Variants in CALN1 observed in about 807,000 individuals in gnomAD.
The protein encoded by CALN1 is calcium-binding protein 8.
In CALN1, 17 loss-of-function variants were observed where a neutral mutation model predicts 30.6. That is an observed-to-expected ratio of 0.56 (90% CI 0.38 to 0.83). The LOEUF (loss-of-function observed/expected upper bound fraction) is 0.83. Ranked by LOEUF, CALN1 falls within the 40% of genes least tolerant of loss-of-function variation. The pLI, the probability that CALN1 is intolerant of heterozygous loss-of-function variation, is 0.00. For synonymous variants in CALN1, 156 were observed against 131.4 expected (o/e 1.19, Z -1.28); for missense variants, 291 against 354.9 (o/e 0.82, Z 1.45).
At chr7:72,095,425 T>G (rs551825488) in intron 4 of CALN1, among the ~76,000 whole-genome samples, 1 of 152,320 alleles carries the variant, frequency 6.6e-6, no homozygotes, top group African/African-American at 2.4e-5. Context: ...AAGCCATAAT[T>G]CACTAACACA....
At chr7:71,933,823 G>C (rs951592354) in intron 5 of CALN1, among the ~76,000 whole-genome samples, 3 of 152,112 alleles carry the variant, frequency 2.0e-5, no homozygotes, top group Non-Finnish European at 4.4e-5. Flanking sequence ...TGCTGTGCTA[G>C]GTTCGGAGCA....
chr7:72,023,870 T>C, intron 4 of CALN1, 101 bp from the exon 5 acceptor site: 1 of 718,278 alleles, frequency 1.4e-6, no homozygotes, highest in Non-Finnish European at 2.4e-6. Context: ...TGGCATGACC[T>C]CAATCAATGA....
At chr7:72,016,927 T>A (rs1482760614) in intron 5 of CALN1, among the ~76,000 whole-genome samples, 6 of 142,406 alleles carry the variant, frequency 4.2e-5, no homozygotes, top group Non-Finnish European at 9.0e-5. Flanking sequence ...CCAAGGTGAG[T>A]GGATCACTTG....
At chr7:72,174,438 T>C (rs1468738842) in intron 3 of CALN1, among the ~76,000 whole-genome samples, 1 of 152,160 alleles carries the variant, frequency 6.6e-6, no homozygotes, top group African/African-American at 2.4e-5. Flanking sequence ...TATAAAAACA[T>C]TCAAAGAAGC....
chr7:71,973,324 C>A (rs568788425), intron 5 of CALN1, among the ~76,000 whole-genome samples: 1 of 152,086 alleles, frequency 6.6e-6, no homozygotes, highest in South Asian at 2.1e-4. Context: ...TACATGTGCG[C>A]ACCATCACGC....
intron 5 of CALN1, among the ~76,000 whole-genome samples, chr7:71,878,180 T>G (rs1792358297): frequency 6.6e-6 from 1 of 152,094 alleles, no homozygotes; most frequent in South Asian, 2.1e-4. Context: ...GTTAAGTATT[T>G]AAGAAATGAC....
At chr7:71,941,753 G>A (rs1408464748) in intron 5 of CALN1, among the ~76,000 whole-genome samples, 1 of 152,188 alleles carries the variant, frequency 6.6e-6, no homozygotes, top group Non-Finnish European at 1.5e-5. Flanking sequence ...AACAGGCAGT[G>A]TGTACTTTAT....
intron 5 of CALN1, among the ~76,000 whole-genome samples, chr7:71,815,305 G>A (rs1788196258): frequency 1.3e-5 from 2 of 152,136 alleles, no homozygotes; most frequent in Admixed American, 1.3e-4. Context: ...CCCCTTGTAG[G>A]AGAGGATGAT....
intron 3 of CALN1, among the ~76,000 whole-genome samples, chr7:72,153,434 T>A (rs774194560): frequency 2.6e-5 from 4 of 151,862 alleles, no homozygotes; most frequent in Non-Finnish European, 4.4e-5. Flanking sequence ...ATCCCAGCAC[T>A]TTGGGAGGTC....
chr7:72,487,840 GAAAGAA>G, the CALN1 span, among the ~76,000 whole-genome samples: 1 of 110,690 alleles, frequency 9.0e-6, no homozygotes, highest in South Asian at 3.3e-4. Flanking sequence ...AAGAAAGAGA[GAAAGAA>G]AAAGAAAGAG....
At chr7:72,302,480 C>T (rs115144619) in intron 2 of CALN1, among the ~76,000 whole-genome samples, 1 of 152,172 alleles carries the variant, frequency 6.6e-6, no homozygotes. Context: ...CCAATCAAGA[C>T]AGAGGCTTAG....
At chr7:72,368,114 T>G (rs1363638955) in intron 2 of CALN1, among the ~76,000 whole-genome samples, 1 of 151,802 alleles carries the variant, frequency 6.6e-6, no homozygotes, top group African/African-American at 2.4e-5. Context: ...AAGCGAAGAC[T>G]CCGTCTCAAA....
intron 3 of CALN1, among the ~76,000 whole-genome samples, chr7:72,235,362 T>C (rs1165041071): frequency 1.3e-5 from 2 of 152,192 alleles, no homozygotes; most frequent in African/African-American, 2.4e-5. Flanking sequence ...CCACGCCTTA[T>C]AGAATTCCTT....
upstream of CALN1, among the ~76,000 whole-genome samples, chr7:72,451,942 G>A (rs1808675698): frequency 6.6e-6 from 1 of 152,104 alleles, no homozygotes; most frequent in Non-Finnish European, 1.5e-5. Context: ...GCTGAGATGG[G>A]AAGATCACTT....
chr7:72,006,186 G>A (rs1799764165), intron 5 of CALN1, among the ~76,000 whole-genome samples: 1 of 152,006 alleles, frequency 6.6e-6, no homozygotes, highest in African/African-American at 2.4e-5. Context: ...AAGTAAATGG[G>A]GAAAGTAAAT....
At chr7:71,866,042 G>A (rs202022767) in intron 5 of CALN1, among the ~76,000 whole-genome samples, 18 of 151,658 alleles carry the variant, frequency 1.2e-4, no homozygotes, top group Admixed American at 1.1e-3. Context: ...GTCTCGCTCT[G>A]TCGCCCAGGT....
At chr7:72,416,959 A>T (rs142010689), upstream of CALN1, among the ~76,000 whole-genome samples, 752 of 152,188 alleles carry the variant, frequency 4.9e-3, 3 homozygotes, top group Non-Finnish European at 8.2e-3. Flanking sequence ...GTCCAGGGCA[A>T]GTCAGTGGGG....
At chr7:71,897,139 T>C (rs893902221) in intron 5 of CALN1, among the ~76,000 whole-genome samples, 2 of 152,198 alleles carry the variant, frequency 1.3e-5, no homozygotes, top group African/African-American at 4.8e-5. Flanking sequence ...GAAAGCTTTA[T>C]GGACCTACAA....
intron 3 of CALN1, among the ~76,000 whole-genome samples, chr7:72,122,588 T>G (rs1005651587): frequency 2.0e-5 from 3 of 152,036 alleles, no homozygotes; most frequent in African/African-American, 4.8e-5. Flanking sequence ...TAGTCGGGCA[T>G]GGTGGCACAT....
Sources: allele counts gnomAD v4.1 joint callset (sites outside exome capture counted in the v4.1 genomes callset), GRCh38; gene constraint gnomAD v4.1.1; transcripts MANE v1.5; gene names NCBI Gene and HGNC (gene_info 2026-07-23, HGNC 2026-07-21).